Variants in SIK3 observed in about 807,000 individuals in gnomAD.
The protein encoded by SIK3 is serine/threonine-protein kinase SIK3.
SIK3 carries 28 observed loss-of-function variants against 144.2 expected under a neutral mutation model. That is an observed-to-expected ratio of 0.19 (90% CI 0.14 to 0.27). The LOEUF is 0.27. Among genes scored for constraint, SIK3 ranks in the 10% least tolerant of loss-of-function variants. SIK3 has a pLI of 1.00. For missense variants in SIK3, 1,319 were observed against 1,776.0 expected, an observed-to-expected ratio of 0.74 and a Z score of 4.62; for synonymous variants, 686 against 676.3, an observed-to-expected ratio of 1.01 and a Z score of -0.22.
At chr11:116,873,838 A>G in intron 12 of SIK3, 65 bp downstream of exon 12, 9 of 1,554,264 alleles carry the variant, frequency 5.8e-6, no homozygotes, top group Non-Finnish European at 7.8e-6. Flanking sequence ...AAGGTGCCTC[A>G]TAGCCTCTCA....
chr11:117,050,821 A>G (rs895397571), intron 1 of SIK3, among the ~76,000 whole-genome samples: 3 of 152,210 alleles, frequency 2.0e-5, no homozygotes, highest in African/African-American at 7.2e-5. Flanking sequence ...TGCAATTCAC[A>G]TTATAGGACT....
chr11:117,073,280 C>T (rs1954359612), intron 1 of SIK3, among the ~76,000 whole-genome samples: 1 of 152,202 alleles, frequency 6.6e-6, no homozygotes, highest in African/African-American at 2.4e-5. Flanking sequence ...AGCATTCCTT[C>T]TACTCTTTCA....
rs369510716 is a variant in SIK3 at position 116,857,930 on chromosome 11, C to T, written c.3535G>A (p.Gly1179Ser). 199 of 1,614,194 alleles carry T rather than the reference C, an allele frequency of 1.2e-4. No individual in the cohort carries two copies. Among genetic ancestry groups the T allele is most frequent in the South Asian group, 8.1e-4 (74 of 91,080 alleles). Residue 1179 changes from glycine to serine, a missense_variant, in exon 21 of 25, where the codon GGT becomes AGT. By Grantham distance (56) the Gly-to-Ser change is moderately conservative. Transcript: ENST00000445177. ...AAAGATTCAGGGTCCCCAGGTCCAC[C>T]GGTACTCAAGAGCAGAGGGCTGTCA... ...CHDSPLLLSTGGPGDPESLLG... is the reference protein window; with the variant it reads ...CHDSPLLLSTSGPGDPESLLG...
rs1041302694 is a variant in SIK3, at chr11:116,846,615, GGA to G, written c.3953-64_3953-63del. 88 of 1,588,444 alleles carry G rather than the reference GGA, an allele frequency of 5.5e-5. No individual in the cohort carries two copies. Among genetic ancestry groups the G allele is most frequent in the Non-Finnish European group, 7.1e-5 (82 of 1,161,674 alleles). Reference sequence around the variant, plus strand: ...AACTGGGGGACTAGGAGAGCAAGGGGGAGAGAGAGGAGGAATTGAAGGCAACC... The same window carrying G: ...AACTGGGGGACTAGGAGAGCAAGGGGGAGAGAGGAGGAATTGAAGGCAACC... On this transcript the variant is annotated intron_variant, in intron 23 of 24. Transcript: ENST00000445177. This position sits in a 1 kb window ranked among gnomAD's most constrained non-coding sequence, Gnocchi z 4.1.
chr11:116,988,632 A>T (rs1950403216), intron 1 of SIK3, among the ~76,000 whole-genome samples: 1 of 151,736 alleles, frequency 6.6e-6, no homozygotes, highest in African/African-American at 2.4e-5. Context: ...ATAATAATTT[A>T]AAAATTAAAA....
chr11:116,899,011 A>G (rs1190657390), intron 4 of SIK3, among the ~76,000 whole-genome samples: 5 of 149,906 alleles, frequency 3.3e-5, no homozygotes. Context: ...TTTTGTTGCC[A>G]TTGCTTTTGG....
chr11:117,094,349 A>G (rs1324942981), intron 1 of SIK3, among the ~76,000 whole-genome samples: 1 of 152,220 alleles, frequency 6.6e-6, no homozygotes, highest in Non-Finnish European at 1.5e-5. Flanking sequence ...TCATGCCTGT[A>G]ATCCCAGCAC....
At chr11:116,987,256 T>C (rs1368467758) in intron 1 of SIK3, among the ~76,000 whole-genome samples, 4 of 151,878 alleles carry the variant, frequency 2.6e-5, no homozygotes, top group Non-Finnish European at 1.5e-5. Context: ...CATTTCAATT[T>C]GTTCAAACAA....
At chr11:116,853,157 A>G (rs753119360) in intron 21 of SIK3, among the ~76,000 whole-genome samples, 3 of 152,244 alleles carry the variant, frequency 2.0e-5, no homozygotes, top group Non-Finnish European at 4.4e-5. Flanking sequence ...ACACATGTGA[A>G]AGAGTCTTTA....
At chr11:117,076,674 C>T (rs1487296928) in intron 1 of SIK3, among the ~76,000 whole-genome samples, 2 of 152,004 alleles carry the variant, frequency 1.3e-5, no homozygotes, top group South Asian at 2.1e-4. Context: ...TACAGGCACC[C>T]GCTAATTACC....
Position 116,849,429 on chromosome 11 carries a change from GC to G in SIK3, c.3656-147del. On this transcript the variant is annotated intron_variant, in intron 21 of 24. Transcript: ENST00000445177. The surrounding 1 kb of genome is among the most constrained non-coding windows in gnomAD (Gnocchi z 4.2). ...CCGCTGATCCTCAGCCGGCGTCATG[GC>G]TTAGAGGAGCCTGGACCAGCCCTCC... The G allele has an allele frequency of 1.0e-6, 1 of 1,003,502 alleles. No individual in the cohort carries two copies. The highest frequency in any genetic ancestry group is 1.4e-6 in the Non-Finnish European group (1 of 689,734). 62.2% of individuals were successfully genotyped at this position (1,003,502 alleles called of 1,614,324 possible). A position where few individuals can be genotyped will look rare whatever the true frequency, so the allele number is the denominator to read the frequency against.
intron 14 of SIK3, 111 bp from the exon 15 acceptor site, chr11:116,868,200 A>G: frequency 7.3e-7 from 1 of 1,375,782 alleles, no homozygotes; most frequent in Non-Finnish European, 1.0e-6. Flanking sequence ...GCCAGAGCTC[A>G]CGAAGGCTTG....
chr11:116,904,310 C>A (rs1162411858), intron 4 of SIK3, among the ~76,000 whole-genome samples: 1 of 152,108 alleles, frequency 6.6e-6, no homozygotes, highest in Non-Finnish European at 1.5e-5. Flanking sequence ...TCGCTAAGTT[C>A]AAGTGACAAG....
At chr11:116,999,418 C>T (rs1950777126) in intron 1 of SIK3, among the ~76,000 whole-genome samples, 1 of 152,184 alleles carries the variant, frequency 6.6e-6, no homozygotes, top group African/African-American at 2.4e-5. Flanking sequence ...TGTGATTCCT[C>T]TGAGCACAGG....
chr11:116,980,285 A>G (rs557623700), intron 1 of SIK3, among the ~76,000 whole-genome samples: 99 of 152,314 alleles, frequency 6.5e-4, no homozygotes, highest in Non-Finnish European at 4.1e-4. Context: ...GGGAGGGAAC[A>G]CAGGCTTGGG....
chr11:117,097,263 G>A (rs1047550425), intron 1 of SIK3, among the ~76,000 whole-genome samples: 6 of 151,986 alleles, frequency 3.9e-5, no homozygotes, highest in African/African-American at 1.5e-4. Flanking sequence ...GTAATCTCCC[G>A]GTGTCTGGGT....
intron 3 of SIK3, among the ~76,000 whole-genome samples, chr11:116,948,395 A>G (rs1948777763): frequency 6.6e-6 from 1 of 152,046 alleles, no homozygotes; most frequent in Admixed American, 6.6e-5. Context: ...CTCCTGCCTC[A>G]GCCTCCTAAG....
chr11:116,848,213 G>T (rs61905155), intron 22 of SIK3, among the ~76,000 whole-genome samples: 22,232 of 151,856 alleles, frequency 0.15, 1,695 homozygotes, highest in Admixed American at 0.17. Flanking sequence ...AAAAAAGGGT[G>T]GCGGGCGCCT....
chr11:116,995,623 T>C (rs1357873564), intron 1 of SIK3, among the ~76,000 whole-genome samples: 1 of 152,144 alleles, frequency 6.6e-6, no homozygotes. Flanking sequence ...TCAGATGTTT[T>C]GGAAGTCCCC....
Sources: gnomAD v4.1 joint callset for allele counts (sites outside exome capture counted in the v4.1 genomes callset) on GRCh38, gnomAD v4.1.1 for gene constraint, Gnocchi (gnomAD v3.1) non-coding constraint, MANE v1.5 for transcripts, NCBI Gene and HGNC (gene_info 2026-07-23, HGNC 2026-07-21) for gene names.